Variants in FAM193B observed in about 807,000 individuals in gnomAD.
FAM193B encodes family with sequence similarity 193 member B.
A neutral mutation model predicts 70.7 loss-of-function variants in FAM193B; 27 were observed. The ratio of observed to expected loss-of-function variants is 0.38; its 90% CI spans 0.28 to 0.53. The LOEUF (loss-of-function observed/expected upper bound fraction) is 0.53, where lower values mean the gene tolerates loss of function less well. FAM193B is among the 20% of genes least tolerant of loss of function. FAM193B has a pLI of 0.81. For synonymous variants in FAM193B, 448 were observed against 436.0 expected, an observed-to-expected ratio of 1.03 and a Z score of -0.34; for missense variants, 1,022 against 1,072.5, an observed-to-expected ratio of 0.95 and a Z score of 0.66.
chr5:177,530,503 C>T (rs1308121728), intron 5 of FAM193B, among the ~76,000 whole-genome samples: 2 of 152,220 alleles, frequency 1.3e-5, no homozygotes, highest in African/African-American at 4.8e-5. Context: ...TCTTCTCTGG[C>T]CCCACAATCA....
intron 5 of FAM193B, among the ~76,000 whole-genome samples, chr5:177,528,357 C>T (rs1762941401): frequency 6.6e-6 from 1 of 152,148 alleles, no homozygotes; most frequent in East Asian, 1.9e-4. Flanking sequence ...CATCATTTTT[C>T]AAGAAGTGTG....
At chr5:177,551,169 T>A (rs1347811407) in intron 1 of FAM193B, among the ~76,000 whole-genome samples, 1 of 152,168 alleles carries the variant, frequency 6.6e-6, no homozygotes, top group East Asian at 1.9e-4. Context: ...AGAAGCAACT[T>A]GCGGAGTCAC....
At chr5:177,553,868 G>C in intron 1 of FAM193B, 3 of 1,256,126 alleles carry the variant, frequency 2.4e-6, no homozygotes, top group Non-Finnish European at 3.1e-6. Context: ...TCCAGTCCCA[G>C]AGCCCCGAGA....
At position 177,532,574 on chromosome 5, in the gene FAM193B, C is replaced by T. The variant is rs778997373; in HGVS notation, c.1144G>A (p.Glu382Lys). The T allele has an allele frequency of 5.6e-6, 9 of 1,601,450 alleles. No individual in the cohort carries two copies. The highest frequency in any genetic ancestry group is 2.7e-5 in the African/African-American group (2 of 74,468). ...TCCTCACCCAGCCCCTCATCTGCCTCGCAGGGCTGGGGCAGCTGGCAAGCC... is the reference window on the plus strand; with the variant it reads ...TCCTCACCCAGCCCCTCATCTGCCTTGCAGGGCTGGGGCAGCTGGCAAGCC... ...GLACQLPQPC[E>K]ADEGLGEEED... The change falls in exon 5 of 9, where the codon GAG becomes AAG. Residue 382 changes from glutamate to lysine, a missense_variant. Transcript: ENST00000514747. This position sits in a 1 kb window ranked among gnomAD's most constrained non-coding sequence, Gnocchi z 4.9.
chr5:177,532,350 C>G lies in FAM193B; in HGVS notation c.1275+93G>C. Reference sequence around the variant, plus strand: ...ACGGCCCCAGCACGGTAATTACCACCGTGAGCAACGGGGTCTCTGGGGAGA... The same window carrying G: ...ACGGCCCCAGCACGGTAATTACCACGGTGAGCAACGGGGTCTCTGGGGAGA... On this transcript the variant is annotated intron_variant, in intron 5 of 8. Coordinates refer to ENST00000514747, the MANE Select transcript of FAM193B (RefSeq NM_001190946.3). The surrounding 1 kb of genome is among the most constrained non-coding windows in gnomAD (Gnocchi z 4.9). 1 of 1,511,686 alleles carries G rather than the reference C, an allele frequency of 6.6e-7. No individual in the cohort carries two copies. Among genetic ancestry groups the G allele is most frequent in the Non-Finnish European group, 8.8e-7 (1 of 1,131,416 alleles). The allele number at this position is 1,511,686 out of a possible 1,614,324, so 93.6% of individuals were successfully genotyped here.
intron 4 of FAM193B, among the ~76,000 whole-genome samples, chr5:177,535,311 G>A (rs1485166397): frequency 3.9e-5 from 6 of 152,230 alleles, no homozygotes; most frequent in East Asian, 1.9e-4. Context: ...AGGAGGCAAC[G>A]CTAAGTGAAA....
At chr5:177,550,169 A>G (rs532642937) in intron 1 of FAM193B, among the ~76,000 whole-genome samples, 1 of 152,006 alleles carries the variant, frequency 6.6e-6, no homozygotes, top group South Asian at 2.1e-4. Flanking sequence ...AAAAAAATTA[A>G]AATCCTAAGT....
chr5:177,522,779 A>G (rs550266710), intron 7 of FAM193B, among the ~76,000 whole-genome samples: 16 of 152,364 alleles, frequency 1.1e-4, no homozygotes, highest in African/African-American at 3.6e-4. Flanking sequence ...CAATGGCACA[A>G]TCTTGGCTTA....
intron 8 of FAM193B, among the ~76,000 whole-genome samples, chr5:177,521,746 G>C (rs559349370): frequency 6.6e-6 from 1 of 152,186 alleles, no homozygotes; most frequent in African/African-American, 2.4e-5. Context: ...GCCCAGGGAG[G>C]AGTAATAGAA....
rs777687854 is a variant in FAM193B, at chr5:177,532,407, C to A, written c.1275+36G>T. 1.9e-6 allele frequency: 3 copies of A among 1,583,356 alleles called. No homozygotes were observed. The highest frequency in any genetic ancestry group is 2.6e-6 in the Non-Finnish European group (3 of 1,167,562). Reference sequence around the variant, plus strand: ...TGCTCCTTTTGCTCACCTTGGCTGGCCCCCAGCCCTCTCTAGCCTGGGCAG... The same window carrying A: ...TGCTCCTTTTGCTCACCTTGGCTGGACCCCAGCCCTCTCTAGCCTGGGCAG... On this transcript the variant is annotated intron_variant, in intron 5 of 8. Coordinates refer to ENST00000514747, the MANE Select transcript of FAM193B (RefSeq NM_001190946.3). This position sits in a 1 kb window ranked among gnomAD's most constrained non-coding sequence, Gnocchi z 4.9.
chr5:177,528,643 T>C (rs1018422332), intron 5 of FAM193B, among the ~76,000 whole-genome samples: 2 of 152,240 alleles, frequency 1.3e-5, no homozygotes, highest in African/African-American at 2.4e-5. Context: ...CCCTGTATAA[T>C]GGCTTTTTTC....
intron 1 of FAM193B, among the ~76,000 whole-genome samples, chr5:177,541,043 G>A (rs943389553): frequency 2.6e-5 from 4 of 152,088 alleles, no homozygotes; most frequent in African/African-American, 7.2e-5. Context: ...TGAAACTTTC[G>A]GAAGTACAAG....
chr5:177,549,673 C>T (rs1308735320), intron 1 of FAM193B, among the ~76,000 whole-genome samples: 7 of 152,246 alleles, frequency 4.6e-5, no homozygotes, highest in Non-Finnish European at 5.9e-5. Context: ...TGGGAAGGGA[C>T]TATGTCTGAT....
At chr5:177,554,151 G>A (rs960632605) in intron 1 of FAM193B, 98 bp downstream of exon 1, 12 of 1,444,594 alleles carry the variant, frequency 8.3e-6, no homozygotes, top group African/African-American at 5.9e-5. Flanking sequence ...TACCCCAGCC[G>A]CGGCAGGATG....
At position 177,532,206 on chromosome 5, in the gene FAM193B, G is replaced by GA; in HGVS notation, c.1275+236dup. The GA allele has an allele frequency of 2.0e-6, 3 of 1,494,508 alleles. No individual in the cohort carries two copies. Among genetic ancestry groups the GA allele is most frequent in the Non-Finnish European group, 2.7e-6 (3 of 1,126,574 alleles). The allele number at this position is 1,494,508 out of a possible 1,614,324, so 92.6% of individuals were successfully genotyped here. On this transcript the variant is annotated intron_variant, in intron 5 of 8. Coordinates refer to ENST00000514747, the MANE Select transcript of FAM193B (RefSeq NM_001190946.3). This position sits in a 1 kb window ranked among gnomAD's most constrained non-coding sequence, Gnocchi z 4.9. ...GCCATTTCCTTTCCTTTTGCCTAAG[G>GA]AAAAAAAGTCAATCTTAAGAGAAAC...
chr5:177,545,758 G>A (rs569894803), intron 1 of FAM193B, among the ~76,000 whole-genome samples: 4 of 151,870 alleles, frequency 2.6e-5, no homozygotes, highest in Non-Finnish European at 4.4e-5. Context: ...TGCCAGACCA[G>A]ACAGCTGTCA....
At position 177,524,557 on chromosome 5, in the gene FAM193B, T is replaced by A. The variant is rs1269539431; in HGVS notation, c.1924A>T (p.Ser642Cys). 6.2e-7 allele frequency: 1 copy of A among 1,610,516 alleles called. No individual in the cohort carries two copies. Among genetic ancestry groups the A allele is most frequent in the Non-Finnish European group, 8.5e-7 (1 of 1,178,426 alleles). ...GKPQKGKRQG[S>C]QAKKSEASPA... The stretch of plus-strand genomic sequence containing the variant: ...CTTGCCTCGCTCTTCTTGGCCTGAC[T>A]GCCCTGCCTCTTGCCCTTCTGTGGC... The change falls in exon 6 of 9, where the codon AGT becomes TGT. Residue 642 changes from serine to cysteine, a missense_variant. Coordinates refer to ENST00000514747, the MANE Select transcript of FAM193B (RefSeq NM_001190946.3).
At position 177,532,763 on chromosome 5, in the gene FAM193B, T is replaced by A. The variant is rs1038598700; in HGVS notation, c.1077-122A>T. On this transcript the variant is annotated intron_variant, in intron 4 of 8. Transcript: ENST00000514747. This position sits in a 1 kb window ranked among gnomAD's most constrained non-coding sequence, Gnocchi z 4.9. ...TGCCCCACTCCACAGAGGTCCCAGG[T>A]GGTCCAACTACATTGCACCTCTCAC... 16 of 893,724 alleles carry A rather than the reference T, an allele frequency of 1.8e-5. No individual in the cohort carries two copies. Among genetic ancestry groups the A allele is most frequent in the Non-Finnish European group, 2.4e-5 (15 of 621,484 alleles). The allele number at this position is 893,724 out of a possible 1,614,324, so 55.4% of individuals were successfully genotyped here.
chr5:177,531,709 G>A (rs1056041887), intron 5 of FAM193B: 5 of 630,072 alleles, frequency 7.9e-6, no homozygotes, highest in Non-Finnish European at 1.2e-5. Flanking sequence ...AAGGGACTAG[G>A]AGGGAACAGG....
Sources: allele counts gnomAD v4.1 joint callset (sites outside exome capture counted in the v4.1 genomes callset), GRCh38; gene constraint gnomAD v4.1.1; non-coding constraint Gnocchi (gnomAD v3.1); transcripts MANE v1.5; gene names NCBI Gene and HGNC (gene_info 2026-07-23, HGNC 2026-07-21).